The following BZW2 variants were observed in gnomAD, a reference collection of about 807,000 sequenced individuals.
BZW2 encodes the protein eIF5-mimic protein 1.
In BZW2, 23 loss-of-function variants were observed where a neutral mutation model predicts 53.2. The ratio of observed to expected loss-of-function variants is 0.43; its 90% CI spans 0.31 to 0.61. The LOEUF is 0.61. Among genes scored for constraint, BZW2 ranks in the 20% least tolerant of loss-of-function variants. The pLI is 0.09. For synonymous variants in BZW2, 227 were observed against 186.4 expected, an observed-to-expected ratio of 1.22 and a Z score of -1.77; for missense variants, 409 against 503.1, an observed-to-expected ratio of 0.81 and a Z score of 1.79.
intron 11 of BZW2, among the ~76,000 whole-genome samples, chr7:16,705,450 C>T (rs1783816476): frequency 6.6e-6 from 1 of 152,006 alleles, no homozygotes; most frequent in African/African-American, 2.4e-5. Flanking sequence ...CTTTGGGAGG[C>T]CAAGGCGGGC....
At position 16,694,821 on chromosome 7, in the gene BZW2, T is replaced by A. The variant is rs760499473; in HGVS notation, c.652-13T>A. On this transcript the variant is annotated splice_polypyrimidine_tract_variant and intron_variant, in intron 7 of 11. Coordinates refer to ENST00000258761, the MANE Select transcript of BZW2 (RefSeq NM_014038.3). Reference sequence around the variant, plus strand: ...ATGGCTTGTTTTATAGCAGTCTTTTTTCCCTTTTTCAGGAACTCTTTCCAG... The same window carrying A: ...ATGGCTTGTTTTATAGCAGTCTTTTATCCCTTTTTCAGGAACTCTTTCCAG... The A allele has an allele frequency of 2.7e-6, 4 of 1,505,632 alleles. No homozygotes were observed. The Admixed American group carries it at 7.3e-5, about 27-fold the overall frequency. The allele number at this position is 1,505,632 out of a possible 1,614,324, so 93.3% of individuals were successfully genotyped here. A position where few individuals can be genotyped will look rare whatever the true frequency, so the allele number is the denominator to read the frequency against.
At chr7:16,702,439 A>G (rs1461633529) in intron 10 of BZW2, among the ~76,000 whole-genome samples, 1 of 152,166 alleles carries the variant, frequency 6.6e-6, no homozygotes, top group Admixed American at 6.5e-5. Context: ...ATGTAGACTT[A>G]TTTTAAATTC....
intron 6 of BZW2, among the ~76,000 whole-genome samples, chr7:16,688,855 GA>G (rs1297313855): frequency 6.8e-6 from 1 of 147,978 alleles, no homozygotes; most frequent in East Asian, 1.9e-4. Flanking sequence ...GCTTAATAAT[GA>G]TTTTTTTTTA....
At chr7:16,646,527 C>T (rs1781866836) in intron 1 of BZW2, among the ~76,000 whole-genome samples, 1 of 152,164 alleles carries the variant, frequency 6.6e-6, no homozygotes, top group Admixed American at 6.5e-5. Context: ...CCTCGGGAGA[C>T]CCTGGGACCG....
chr7:16,704,547 C>A lies in BZW2; in HGVS notation c.1109C>A (p.Ala370Asp). 6.6e-7 allele frequency: 1 copy of A among 1,519,800 alleles called. No individual in the cohort carries two copies. The highest frequency in any genetic ancestry group is 9.0e-7 in the Non-Finnish European group (1 of 1,114,960). 94.1% of individuals were successfully genotyped at this position (1,519,800 alleles called of 1,614,324 possible). The change falls in exon 11 of 12, where the codon GCT (alanine) becomes GAT (aspartate). Residue 370 changes from alanine (A) to aspartate (D), a missense_variant and splice_region_variant. Around this residue, in one of 3 missense-constraint regions of BZW2, gnomAD observed 88 missense variants for 114.6 expected, o/e 0.77. Coordinates refer to ENST00000258761, the MANE Select transcript of BZW2 (RefSeq NM_014038.3). ...TGAAATCTTTGATTTAAAATTGCAG[C>A]TGATGTTCTGAGCGAAGAAGCAATA... The part of the protein sequence containing the change: ...FQKIVVLFYK[A>D]DVLSEEAILK...
At chr7:16,678,270 T>A (rs1782828758) in intron 3 of BZW2, among the ~76,000 whole-genome samples, 1 of 151,964 alleles carries the variant, frequency 6.6e-6, no homozygotes, top group Admixed American at 6.6e-5. Context: ...TTGGCTAGGC[T>A]GGTCTCGAAC....
At position 16,674,431 on chromosome 7, in the gene BZW2, A is replaced by G; in HGVS notation, c.78A>G (p.Glu26=). The G allele has an allele frequency of 1.3e-6, 2 of 1,584,686 alleles. No homozygotes were observed. The highest frequency in any genetic ancestry group is 2.3e-5 in the South Asian group (2 of 85,780). ...TRKRDEKEKF[E]PTVFRDTLVQ... Reference sequence around the variant, plus strand: ...TTTTAGATGAAAAAGAGAAATTCGAACCCACAGTCTTCAGGGATACACTTG... The same window carrying G: ...TTTTAGATGAAAAAGAGAAATTCGAGCCCACAGTCTTCAGGGATACACTTG... The change falls in exon 3 of 12, where the codon GAA becomes GAG. Residue 26 remains glutamate, a synonymous_variant. Transcript: ENST00000258761.
intron 1 of BZW2, among the ~76,000 whole-genome samples, chr7:16,656,912 T>A (rs537765805): frequency 6.6e-6 from 1 of 152,126 alleles, no homozygotes; most frequent in East Asian, 1.9e-4. Context: ...ATGGCTCTTA[T>A]GTTGTTTTGA....
intron 2 of BZW2, among the ~76,000 whole-genome samples, chr7:16,671,895 C>T (rs113317171): frequency 7.3e-6 from 1 of 137,592 alleles, no homozygotes; most frequent in Non-Finnish European, 1.5e-5. Flanking sequence ...TGCGCCACTG[C>T]CCTCCAGCCT....
At chr7:16,667,567 G>C (rs1782468630) in intron 2 of BZW2, among the ~76,000 whole-genome samples, 1 of 152,176 alleles carries the variant, frequency 6.6e-6, no homozygotes, top group East Asian at 1.9e-4. Flanking sequence ...AACAAGTCTA[G>C]TCACGTAGAC....
chr7:16,689,974 T>C, intron 7 of BZW2, 68 bp downstream of exon 7: 1 of 1,166,656 alleles, frequency 8.6e-7, no homozygotes, highest in Non-Finnish European at 1.2e-6. Context: ...ATGCCTGCAA[T>C]GTAGTATATG....
intron 5 of BZW2, among the ~76,000 whole-genome samples, chr7:16,683,277 C>T (rs1783010020): frequency 6.6e-6 from 1 of 152,146 alleles, no homozygotes; most frequent in South Asian, 2.1e-4. Context: ...ATGTGAAACA[C>T]ATAGTGAGTT....
intron 1 of BZW2, among the ~76,000 whole-genome samples, chr7:16,655,654 A>G (rs1181478721): frequency 1.3e-5 from 2 of 152,130 alleles, no homozygotes; most frequent in African/African-American, 4.8e-5. Flanking sequence ...CTGTTCACCA[A>G]TCTTTCCCCA....
rs1562484858 is a variant in BZW2, at chr7:16,674,557, C to G, written c.204C>G (p.Leu68=). The change falls in exon 3 of 12, where the codon CTC becomes CTG. Residue 68 remains leucine (L), a synonymous_variant. Transcript: ENST00000258761. ...RLDYRRYADT[L]FDILVAGSML... The stretch of plus-strand genomic sequence containing the variant: ...ATTATCGTCGCTATGCAGACACACT[C>G]TTCGATATCCTGGTGGCTGGCAGTA... 1 of 1,605,846 alleles carries G rather than the reference C, an allele frequency of 6.2e-7. No homozygotes were observed. Among genetic ancestry groups the G allele is most frequent in the Non-Finnish European group, 8.5e-7 (1 of 1,175,596 alleles).
chr7:16,692,971 T>C (rs1783360659), intron 7 of BZW2, among the ~76,000 whole-genome samples: 1 of 152,188 alleles, frequency 6.6e-6, no homozygotes, highest in Non-Finnish European at 1.5e-5. Context: ...GCATGGGATA[T>C]TGGGGACCGC....
chr7:16,697,843 C>T (rs1783547463), intron 9 of BZW2, among the ~76,000 whole-genome samples: 1 of 152,192 alleles, frequency 6.6e-6, no homozygotes, highest in African/African-American at 2.4e-5. Context: ...ATCTTCTTCC[C>T]AGTTCCCTCA....
chr7:16,656,048 C>G (rs922092379), intron 1 of BZW2, among the ~76,000 whole-genome samples: 1 of 151,596 alleles, frequency 6.6e-6, no homozygotes, highest in African/African-American at 2.4e-5. Flanking sequence ...TCTTTATACT[C>G]CAACTTCTTA....
At chr7:16,669,797 C>G (rs1782544104) in intron 2 of BZW2, among the ~76,000 whole-genome samples, 1 of 152,184 alleles carries the variant, frequency 6.6e-6, no homozygotes, top group African/African-American at 2.4e-5. Flanking sequence ...TCTTGAGTAT[C>G]ACAATTATGA....
chr7:16,700,903 C>G (rs944523513), intron 10 of BZW2: 8 of 152,120 alleles, frequency 5.3e-5, no homozygotes, highest in African/African-American at 1.9e-4. Flanking sequence ...TTATCTCTCT[C>G]TGACACACAG....
Sources: gnomAD v4.1 joint callset for allele counts (sites outside exome capture counted in the v4.1 genomes callset) on GRCh38, gnomAD v4.1.1 for gene constraint, gnomAD v4.1.1 regional missense constraint, MANE v1.5 for transcripts, NCBI Gene and HGNC (gene_info 2026-07-23, HGNC 2026-07-21) for gene names.